NCKAP5: variants seen among roughly 807,000 people sequenced by gnomAD.
NCKAP5 encodes the protein NCK associated protein 5.
Under a neutral mutation model 167.0 loss-of-function variants are expected in NCKAP5, and 92 were observed. That is an observed-to-expected ratio of 0.55 (90% CI 0.47 to 0.66). NCKAP5 has a LOEUF of 0.66. Among genes scored for constraint, NCKAP5 ranks in the 30% least tolerant of loss-of-function variants. The pLI is 0.00. For missense variants in NCKAP5, 2,378 were observed against 2,315.0 expected (o/e 1.03, Z -0.56); for synonymous variants, 891 against 877.4 (o/e 1.02, Z -0.27).
intron 7 of NCKAP5, among the ~76,000 whole-genome samples, chr2:132,979,085 G>A (rs1435730645): frequency 1.3e-5 from 2 of 152,158 alleles, no homozygotes; most frequent in Non-Finnish European, 2.9e-5. Flanking sequence ...TCTCTGCCAA[G>A]CTTCCACTGA....
At chr2:133,364,072 ATCATCATCATCG>A (rs957249937) in intron 3 of NCKAP5, among the ~76,000 whole-genome samples, 1 of 152,168 alleles carries the variant, frequency 6.6e-6, no homozygotes, top group Non-Finnish European at 1.5e-5. Flanking sequence ...CATCATCATC[ATCATCATCATCG>A]TCATCATCTA....
At chr2:133,533,548 CA>C (rs1270284520) in intron 2 of NCKAP5, among the ~76,000 whole-genome samples, 1 of 151,948 alleles carries the variant, frequency 6.6e-6, no homozygotes, top group Non-Finnish European at 1.5e-5. Flanking sequence ...AATATGAACA[CA>C]AAAAAACTAG....
rs374484886 is a variant in NCKAP5, at chr2:133,399,133, T to C, written c.70-96023A>G. ...CACGCCCTGGAGCCTTGAGACAACATGCTCTCGCTCTTCATTTTAGGCAGC... is the reference window on the plus strand; with the variant it reads ...CACGCCCTGGAGCCTTGAGACAACACGCTCTCGCTCTTCATTTTAGGCAGC... On this transcript the variant is annotated intron_variant, in intron 3 of 19. Coordinates refer to ENST00000409261, the MANE Select transcript of NCKAP5 (RefSeq NM_207363.3). Among the ~76,000 whole-genome samples, 6 of 152,296 alleles carry C rather than the reference T, an allele frequency of 3.9e-5. No homozygotes were observed. In the East Asian group the frequency reaches 7.7e-4, roughly 20 times the overall value.
chr2:133,517,179 T>C (rs959534517), intron 3 of NCKAP5, among the ~76,000 whole-genome samples: 2 of 152,246 alleles, frequency 1.3e-5, no homozygotes, highest in African/African-American at 4.8e-5. Context: ...ACAGTAGTGT[T>C]TTTGTATAGG....
chr2:132,791,201 C>T (rs144663920), intron 12 of NCKAP5, among the ~76,000 whole-genome samples: 91 of 152,334 alleles, frequency 6.0e-4, no homozygotes, highest in Non-Finnish European at 1.1e-3. Flanking sequence ...CAACCAGATG[C>T]CCATTGCCTA....
Position 133,239,384 on chromosome 2 carries a change from G to T in NCKAP5, c.144-25605C>A, listed in dbSNP as rs75370495. Among the ~76,000 whole-genome samples, 397 of 152,230 alleles carry T rather than the reference G, an allele frequency of 2.6e-3. 3 individuals are homozygous for T. The highest frequency in any genetic ancestry group is 9.1e-3 in the African/African-American group (377 of 41,558). On this transcript the variant is annotated intron_variant, in intron 4 of 19. Coordinates refer to ENST00000409261, the MANE Select transcript of NCKAP5 (RefSeq NM_207363.3). ...ACAAATTTACAAGAGCATGAAACAA[G>T]CAGTTATGATATTCATGTAGATTTT...
At chr2:133,312,474 G>A (rs1681311001) in intron 3 of NCKAP5, among the ~76,000 whole-genome samples, 1 of 152,180 alleles carries the variant, frequency 6.6e-6, no homozygotes, top group South Asian at 2.1e-4. Context: ...GCTTCTTGGG[G>A]TGAACACGTG....
chr2:133,664,197 T>G, the NCKAP5 span, among the ~76,000 whole-genome samples: 1 of 152,168 alleles, frequency 6.6e-6, no homozygotes, highest in Non-Finnish European at 1.5e-5. Context: ...AATGGTGGGC[T>G]TAAAATATTT....
chr2:133,638,932 T>G, the NCKAP5 span, among the ~76,000 whole-genome samples: 1 of 151,534 alleles, frequency 6.6e-6, no homozygotes. Context: ...GAGAAGTACT[T>G]GCAATGTGTA....
At chr2:133,570,200 A>G (rs6737180), upstream of NCKAP5, among the ~76,000 whole-genome samples, 26,893 of 152,176 alleles carry the variant, frequency 0.18, 2,591 homozygotes, top group East Asian at 0.36. Flanking sequence ...GAATTATATA[A>G]ATGATTAACA....
intron 5 of NCKAP5, among the ~76,000 whole-genome samples, chr2:133,163,515 A>C (rs138913188): frequency 1.3e-3 from 191 of 152,338 alleles, no homozygotes; most frequent in African/African-American, 4.4e-3. Context: ...TGTTGTTATC[A>C]GCACCAAGTC....
chr2:132,674,174 A>G (rs1684118675), intron 19 of NCKAP5, among the ~76,000 whole-genome samples: 1 of 152,232 alleles, frequency 6.6e-6, no homozygotes, highest in Admixed American at 6.5e-5. Flanking sequence ...TTTCCAGCAG[A>G]AATTCCATCC....
intron 3 of NCKAP5, among the ~76,000 whole-genome samples, chr2:133,495,638 G>A (rs1007675267): frequency 3.3e-5 from 5 of 152,096 alleles, no homozygotes; most frequent in South Asian, 2.1e-4. Context: ...AAAAAGCTCC[G>A]AACTACTGAA....
At chr2:133,615,575 C>G in the NCKAP5 span, among the ~76,000 whole-genome samples, 2 of 151,988 alleles carry the variant, frequency 1.3e-5, no homozygotes, top group Non-Finnish European at 2.9e-5. Flanking sequence ...TAATGGTAAA[C>G]AGAGCAATTC....
intron 10 of NCKAP5, among the ~76,000 whole-genome samples, chr2:132,861,302 C>T (rs1034400449): frequency 2.0e-5 from 3 of 151,990 alleles, no homozygotes; most frequent in Middle Eastern, 3.2e-3. Context: ...GACCTTTTCC[C>T]CAGCTCATGG....
At chr2:133,255,008 T>C (rs1334468100) in intron 4 of NCKAP5, among the ~76,000 whole-genome samples, 1 of 152,008 alleles carries the variant, frequency 6.6e-6, no homozygotes, top group Admixed American at 6.6e-5. Flanking sequence ...TGTGTGAAAC[T>C]GAACAAGCAA....
chr2:133,371,136 G>T (rs2150910352), intron 3 of NCKAP5, among the ~76,000 whole-genome samples: 1 of 152,306 alleles, frequency 6.6e-6, no homozygotes, highest in Admixed American at 6.5e-5. Context: ...AGTAGTTGTT[G>T]TCTCTGACCA....
At position 132,672,934 on chromosome 2, in the gene NCKAP5, T is replaced by C; in HGVS notation, c.*355A>G. 1 of 970,702 alleles carries C rather than the reference T, an allele frequency of 1.0e-6. No homozygotes were observed. Among genetic ancestry groups the C allele is most frequent in the African/African-American group, 1.8e-5 (1 of 56,264 alleles). 60.1% of individuals were successfully genotyped at this position (970,702 alleles called of 1,614,324 possible). On this transcript the variant is annotated 3_prime_UTR_variant, in exon 20 of 20. Coordinates refer to ENST00000409261, the MANE Select transcript of NCKAP5 (RefSeq NM_207363.3). ...AGGCTCTGGTACTGCAATAGTTTAT[T>C]GTTATCTCTATCAAGCGGTGCACCC...
At chr2:132,766,653 C>T (rs1377281969) in intron 16 of NCKAP5, among the ~76,000 whole-genome samples, 1 of 152,210 alleles carries the variant, frequency 6.6e-6, no homozygotes, top group East Asian at 1.9e-4. Context: ...TGATAAGCAC[C>T]TAGATCTTGG....
Sources: allele counts gnomAD v4.1 joint callset (sites outside exome capture counted in the v4.1 genomes callset), GRCh38; gene constraint gnomAD v4.1.1; transcripts MANE v1.5; gene names NCBI Gene and HGNC (gene_info 2026-07-23, HGNC 2026-07-21).